The following PRELID2 variants were observed in gnomAD, a reference collection of about 807,000 sequenced individuals.
PRELID2 encodes PRELI domain-containing protein 2.
In PRELID2, 25 loss-of-function variants were observed where a neutral mutation model predicts 28.4. The ratio of observed to expected loss-of-function variants is 0.88; its 90% CI spans 0.64 to 1.23. The LOEUF is 1.23. Ranked by LOEUF, PRELID2 falls within the 50% of genes most tolerant of loss-of-function variation. PRELID2 has a pLI of 0.00. For missense variants in PRELID2, 201 were observed against 214.4 expected (o/e 0.94, Z 0.39); for synonymous variants, 76 against 71.6 (o/e 1.06, Z -0.31).
intron 1 of PRELID2, among the ~76,000 whole-genome samples, chr5:145,579,354 G>C (rs766911568): frequency 3.9e-5 from 6 of 152,058 alleles, no homozygotes; most frequent in Non-Finnish European, 8.8e-5. Flanking sequence ...TGGTAAGAAA[G>C]AGCTAGTATT....
the PRELID2 span, among the ~76,000 whole-genome samples, chr5:145,421,258 A>C: frequency 6.8e-6 from 1 of 147,848 alleles, no homozygotes; most frequent in Non-Finnish European, 1.5e-5. Context: ...AAAATGAGTT[A>C]GGGAGGATTC....
intron 2 of PRELID2, among the ~76,000 whole-genome samples, chr5:145,820,539 T>C (rs1754710353): frequency 6.6e-6 from 1 of 152,186 alleles, no homozygotes; most frequent in Non-Finnish European, 1.5e-5. Context: ...CTACCTTTTG[T>C]ACCAAACTTT....
At chr5:145,611,914 A>C (rs1287124010) in intron 1 of PRELID2, among the ~76,000 whole-genome samples, 1 of 152,206 alleles carries the variant, frequency 6.6e-6, no homozygotes, top group Non-Finnish European at 1.5e-5. Flanking sequence ...GAAAAGCTAC[A>C]GTTATTATGA....
intron 1 of PRELID2, among the ~76,000 whole-genome samples, chr5:145,736,850 T>C (rs1219748246): frequency 6.6e-6 from 1 of 152,184 alleles, no homozygotes; most frequent in South Asian, 2.1e-4. Flanking sequence ...TAAACATTCC[T>C]AGTAATCAAA....
chr5:145,382,498 C>T, the PRELID2 span, among the ~76,000 whole-genome samples: 1 of 151,602 alleles, frequency 6.6e-6, no homozygotes, highest in Non-Finnish European at 1.5e-5. Flanking sequence ...ACATTATATA[C>T]AAGATAATAA....
chr5:145,447,281 A>C, the PRELID2 span, among the ~76,000 whole-genome samples: 4 of 151,806 alleles, frequency 2.6e-5, no homozygotes, highest in African/African-American at 9.7e-5. Flanking sequence ...TTAGGGCCTT[A>C]AGTGGTGATA....
At chr5:145,680,694 G>T (rs1754915340) in intron 1 of PRELID2, among the ~76,000 whole-genome samples, 1 of 152,122 alleles carries the variant, frequency 6.6e-6, no homozygotes, top group Non-Finnish European at 1.5e-5. Context: ...GATGTTTTTG[G>T]TTCCTGGGTG....
At chr5:145,433,801 C>T in the PRELID2 span, among the ~76,000 whole-genome samples, 5 of 152,180 alleles carry the variant, frequency 3.3e-5, no homozygotes, top group Admixed American at 6.5e-5. Flanking sequence ...TAGCCCTAGG[C>T]ATGGTAGCTT....
intron 1 of PRELID2, among the ~76,000 whole-genome samples, chr5:145,550,874 A>C (rs1350145853): frequency 6.6e-6 from 1 of 152,146 alleles, no homozygotes; most frequent in Non-Finnish European, 1.5e-5. Flanking sequence ...ATTCTAGATA[A>C]TCTGCTCTTG....
chr5:145,678,764 TG>T (rs1356428972), intron 1 of PRELID2, among the ~76,000 whole-genome samples: 2 of 152,140 alleles, frequency 1.3e-5, no homozygotes, highest in Non-Finnish European at 2.9e-5. Flanking sequence ...ATCTGCAAAC[TG>T]GGGGGTCGAG....
intron 1 of PRELID2, among the ~76,000 whole-genome samples, chr5:145,555,648 T>C (rs1039228329): frequency 3.9e-5 from 6 of 152,062 alleles, no homozygotes; most frequent in African/African-American, 1.2e-4. Flanking sequence ...AAACTGTAGG[T>C]GGTTGGTGAT....
intron 1 of PRELID2, among the ~76,000 whole-genome samples, chr5:145,646,781 C>T (rs749945661): frequency 1.9e-4 from 29 of 152,160 alleles, no homozygotes; most frequent in Non-Finnish European, 3.8e-4. Flanking sequence ...GCCCCTCTGC[C>T]GCAGGTCTGC....
rs150099206 is a variant in PRELID2 at position 145,614,417 on chromosome 5, T to C, written n.71-141102A>G. 1.7e-3 allele frequency among the ~76,000 whole-genome samples: 266 copies of C among 152,350 alleles called. 10 individuals carry two copies. In the East Asian group the frequency reaches 0.048, roughly 28 times the overall value. On this transcript the variant is annotated intron_variant and non_coding_transcript_variant, in intron 1 of 2. Coordinates refer to the PRELID2 transcript ENST00000510259. Reference sequence around the variant, plus strand: ...TTGCAGATTGCCTTTGGCAGTATGGTCATTGTCACAGTATTGATTCTACCC... The same window carrying C: ...TTGCAGATTGCCTTTGGCAGTATGGCCATTGTCACAGTATTGATTCTACCC...
the PRELID2 span, among the ~76,000 whole-genome samples, chr5:145,373,495 A>G: frequency 7.4e-5 from 2 of 26,882 alleles, 1 homozygote; most frequent in African/African-American, 3.1e-4. Flanking sequence ...TATATATGAT[A>G]TTATATATTA....
At chr5:145,818,203 G>T (rs201154554) in intron 3 of PRELID2, 149 bp from the exon 4 acceptor site, 3 of 800,060 alleles carry the variant, frequency 3.7e-6, no homozygotes, top group Non-Finnish European at 5.8e-6. Flanking sequence ...GTACGTTTTT[G>T]ATAATCAAAC....
intron 5 of PRELID2, among the ~76,000 whole-genome samples, chr5:145,786,504 C>T (rs1043112596): frequency 2.6e-5 from 4 of 152,144 alleles, no homozygotes; most frequent in African/African-American, 9.7e-5. Context: ...TACCAGCAAC[C>T]ATGTGAGTTT....
At chr5:145,656,719 A>G (rs1754402707) in intron 1 of PRELID2, among the ~76,000 whole-genome samples, 4 of 132,864 alleles carry the variant, frequency 3.0e-5, no homozygotes, top group East Asian at 2.6e-4. Context: ...ACTTGGACAC[A>G]GGAAGGGGAA....
the PRELID2 span, among the ~76,000 whole-genome samples, chr5:145,290,702 A>G: frequency 6.6e-6 from 1 of 152,192 alleles, no homozygotes; most frequent in Non-Finnish European, 1.5e-5. Flanking sequence ...ATACATATGT[A>G]ACAAACCTGC....
chr5:145,296,010 C>A, the PRELID2 span, among the ~76,000 whole-genome samples: 1 of 151,968 alleles, frequency 6.6e-6, no homozygotes, highest in African/African-American at 2.4e-5. Context: ...GATTTCCAGA[C>A]AAAATATAGG....
Sources: allele counts gnomAD v4.1 joint callset (sites outside exome capture counted in the v4.1 genomes callset), GRCh38; gene constraint gnomAD v4.1.1; transcripts MANE v1.5; gene names NCBI Gene and HGNC (gene_info 2026-07-23, HGNC 2026-07-21).